The following AOPEP variants were observed in gnomAD, a reference collection of about 807,000 sequenced individuals.
The protein encoded by AOPEP is aminopeptidase O.
Under a neutral mutation model 98.1 loss-of-function variants are expected in AOPEP, and 77 were observed. That is an observed-to-expected ratio of 0.78 (90% CI 0.65 to 0.95). The LOEUF is 0.95. Ranked by LOEUF, AOPEP falls within the 40% of genes least tolerant of loss-of-function variation. AOPEP has a pLI of 0.00. For missense variants in AOPEP, 1,024 were observed against 1,024.7 expected (o/e 1.00, Z 0.01); for synonymous variants, 346 against 365.3 (o/e 0.95, Z 0.60).
chr9:94,780,097 A>G (rs1842947039), intron 3 of AOPEP, among the ~76,000 whole-genome samples: 1 of 152,186 alleles, frequency 6.6e-6, no homozygotes, highest in Non-Finnish European at 1.5e-5. Context: ...CTGTTTTTGT[A>G]AATAAAGTTT....
the AOPEP span, among the ~76,000 whole-genome samples, chr9:95,125,880 C>T: frequency 6.6e-6 from 1 of 152,190 alleles, no homozygotes; most frequent in East Asian, 1.9e-4. Context: ...ACAAGCTCCC[C>T]AGGGGCGTCC....
At chr9:95,005,023 G>A (rs1398746147) in intron 11 of AOPEP, 135 bp from the exon 12 acceptor site, 1 of 227,184 alleles carries the variant, frequency 4.4e-6, no homozygotes, top group Non-Finnish European at 7.4e-6. Flanking sequence ...CGCAGGGCGC[G>A]GGCTCCGGCG....
intron 5 of AOPEP, among the ~76,000 whole-genome samples, chr9:94,844,349 T>C (rs572082046): frequency 1.3e-5 from 2 of 152,328 alleles, no homozygotes; most frequent in East Asian, 1.9e-4. Context: ...CCAATTACTT[T>C]GAAAAGAAAT....
At chr9:94,776,006 A>G (rs1387698604) in intron 3 of AOPEP, among the ~76,000 whole-genome samples, 2 of 151,668 alleles carry the variant, frequency 1.3e-5, no homozygotes, top group Non-Finnish European at 2.9e-5. Flanking sequence ...TAAATAAAAT[A>G]AAATTTTTAT....
At chr9:94,801,128 C>A in intron 5 of AOPEP, 126 bp downstream of exon 5, 1 of 1,110,888 alleles carries the variant, frequency 9.0e-7, no homozygotes, top group Non-Finnish European at 1.3e-6. Context: ...GTTGCTCATG[C>A]TTGGACATCT....
chr9:95,133,197 G>A, the AOPEP span, among the ~76,000 whole-genome samples: 12 of 152,218 alleles, frequency 7.9e-5, no homozygotes, highest in East Asian at 1.9e-4. Flanking sequence ...GGCCTATTGC[G>A]GCCTGCCTGG....
At chr9:95,008,592 C>T (rs576017174) in intron 13 of AOPEP, among the ~76,000 whole-genome samples, 3 of 152,184 alleles carry the variant, frequency 2.0e-5, no homozygotes, top group East Asian at 1.9e-4. Flanking sequence ...ACAAACTCAC[C>T]CTGTGCTCAG....
At chr9:95,096,046 G>T in the AOPEP span, among the ~76,000 whole-genome samples, 1 of 152,166 alleles carries the variant, frequency 6.6e-6, no homozygotes, top group Non-Finnish European at 1.5e-5. Flanking sequence ...CAGCCTCCCT[G>T]CCTCTCCGAA....
Position 94,740,473 on chromosome 9 carries a change from A to G in AOPEP, c.-136+13722A>G, listed in dbSNP as rs1029627790. 2.0e-5 allele frequency among the ~76,000 whole-genome samples: 3 copies of G among 152,354 alleles called. 1 individual carries two copies. In the South Asian group the frequency reaches 6.2e-4, roughly 32 times the overall value. On this transcript the variant is annotated intron_variant, in intron 1 of 16. Coordinates refer to ENST00000375315, the MANE Select transcript of AOPEP (RefSeq NM_001193329.3). ...TCATAAAATATAGAAAATAAAAAAC[A>G]TGATTAATGCATAACCCTTCCAGCA...
chr9:95,003,086 C>T (rs1267104953), intron 11 of AOPEP, among the ~76,000 whole-genome samples: 1 of 151,896 alleles, frequency 6.6e-6, no homozygotes, highest in Non-Finnish European at 1.5e-5. Flanking sequence ...ACAGGGTTTC[C>T]AGGTCTCAGT....
chr9:94,740,929 G>A (rs930344076), intron 1 of AOPEP, among the ~76,000 whole-genome samples: 7 of 152,234 alleles, frequency 4.6e-5, no homozygotes, highest in African/African-American at 7.2e-5. Context: ...CACAAAGGCT[G>A]GCGCTTAATA....
At chr9:95,036,703 T>TTCTTCTTC (rs930370448) in intron 13 of AOPEP, among the ~76,000 whole-genome samples, 13 of 11,062 alleles carry the variant, frequency 1.2e-3, no homozygotes, top group African/African-American at 1.6e-3. Context: ...CTTCTTCTTC[T>TTCTTCTTC]TTTTTTTTTG....
At chr9:95,021,744 C>CTG (rs1681047041) in intron 13 of AOPEP, 1 of 152,250 alleles carries the variant, frequency 6.6e-6, no homozygotes. Flanking sequence ...AGCTACATCG[C>CTG]TGTGTGCATC....
At chr9:95,114,501 G>A in the AOPEP span, 2 of 864,648 alleles carry the variant, frequency 2.3e-6, no homozygotes, top group South Asian at 2.7e-5. Flanking sequence ...CTTCACCATG[G>A]TGCTCACCTG....
downstream of AOPEP, among the ~76,000 whole-genome samples, chr9:95,087,677 T>C (rs898298094): frequency 2.0e-5 from 3 of 152,160 alleles, no homozygotes; most frequent in Non-Finnish European, 4.4e-5. Context: ...CCTGGGCATA[T>C]TCAGGCATCG....
intron 10 of AOPEP, among the ~76,000 whole-genome samples, chr9:94,976,728 G>A (rs1179628849): frequency 6.6e-6 from 1 of 150,876 alleles, no homozygotes; most frequent in Admixed American, 6.6e-5. Flanking sequence ...GTGTAGTGGT[G>A]TGATCCAGGC....
intron 5 of AOPEP, among the ~76,000 whole-genome samples, chr9:94,866,817 A>AT (rs1028972759): frequency 4.6e-5 from 7 of 152,186 alleles, no homozygotes; most frequent in African/African-American, 1.7e-4. Context: ...TTCAAATTGG[A>AT]TTTTTTAGAC....
intron 7 of AOPEP, among the ~76,000 whole-genome samples, chr9:94,938,889 G>A (rs747347084): frequency 2.0e-5 from 3 of 152,170 alleles, no homozygotes; most frequent in Non-Finnish European, 4.4e-5. Context: ...GCATAAGTTC[G>A]GAAGACCTTG....
intron 13 of AOPEP, chr9:95,006,176 A>G: frequency 2.2e-6 from 1 of 449,956 alleles, no homozygotes; most frequent in Admixed American, 2.6e-5. Context: ...TTGATTTTGT[A>G]TTAAAACTTG....
Sources: gnomAD v4.1 joint callset for allele counts (sites outside exome capture counted in the v4.1 genomes callset) on GRCh38, gnomAD v4.1.1 for gene constraint, MANE v1.5 for transcripts, NCBI Gene and HGNC (gene_info 2026-07-23, HGNC 2026-07-21) for gene names.